Variants in SEMA5A observed in about 807,000 individuals in gnomAD.
The protein encoded by SEMA5A is semaphorin-5A.
In SEMA5A, 55 loss-of-function variants were observed where a neutral mutation model predicts 135.5. The observed-to-expected ratio is 0.41, with a 90% confidence interval of 0.33 to 0.51. SEMA5A has a LOEUF of 0.51. SEMA5A is among the 20% of genes least tolerant of loss of function. The pLI, the probability that SEMA5A is intolerant of heterozygous loss-of-function variation, is 0.37. For missense variants in SEMA5A, 1,290 were observed against 1,419.9 expected (o/e 0.91, Z 1.47); for synonymous variants, 580 against 546.5 (o/e 1.06, Z -0.85).
At chr5:9,528,067 T>C (rs1737233138) in intron 1 of SEMA5A, among the ~76,000 whole-genome samples, 1 of 152,200 alleles carries the variant, frequency 6.6e-6, no homozygotes, top group South Asian at 2.1e-4. Flanking sequence ...CCAAACATTG[T>C]CTTTATAGAA....
At chr5:9,082,390 C>T (rs1411296411) in intron 16 of SEMA5A, among the ~76,000 whole-genome samples, 1 of 152,160 alleles carries the variant, frequency 6.6e-6, no homozygotes, top group Non-Finnish European at 1.5e-5. Flanking sequence ...CAGTGACTAC[C>T]TAAGACAGAA....
chr5:9,133,663 T>A (rs1741564609), intron 13 of SEMA5A, among the ~76,000 whole-genome samples: 4 of 152,212 alleles, frequency 2.6e-5, no homozygotes, highest in Admixed American at 2.6e-4. Context: ...TCTTACTTGT[T>A]AAAAACTCAA....
chr5:9,481,297 T>G (rs1334472485), intron 1 of SEMA5A, among the ~76,000 whole-genome samples: 1 of 152,128 alleles, frequency 6.6e-6, no homozygotes, highest in Non-Finnish European at 1.5e-5. Context: ...AGAGCTTTCC[T>G]GTTTTAACTT....
intron 2 of SEMA5A, among the ~76,000 whole-genome samples, 200 bp downstream of exon 2, chr5:9,437,556 C>T (rs2126671693): frequency 6.6e-6 from 1 of 152,084 alleles, no homozygotes; most frequent in African/African-American, 2.4e-5. Context: ...AGAATTTCAC[C>T]ATGTTGGCCA....
At chr5:9,508,888 T>C (rs1038774880) in intron 1 of SEMA5A, among the ~76,000 whole-genome samples, 2 of 152,098 alleles carry the variant, frequency 1.3e-5, no homozygotes, top group Non-Finnish European at 2.9e-5. Flanking sequence ...CTTAAAAACA[T>C]AGGATGAAGA....
At chr5:9,299,589 CAAG>C (rs1751510418) in intron 5 of SEMA5A, among the ~76,000 whole-genome samples, 1 of 152,096 alleles carries the variant, frequency 6.6e-6, no homozygotes, top group South Asian at 2.1e-4. Context: ...ACTAGTGACC[CAAG>C]TCAACCTTGC....
chr5:9,214,026 C>G (rs1746483572), intron 8 of SEMA5A, among the ~76,000 whole-genome samples: 1 of 152,126 alleles, frequency 6.6e-6, no homozygotes, highest in African/African-American at 2.4e-5. Flanking sequence ...ACAGACCCAC[C>G]AGAGACTGGG....
chr5:9,487,837 G>A (rs756109828), intron 1 of SEMA5A, among the ~76,000 whole-genome samples: 2 of 151,940 alleles, frequency 1.3e-5, no homozygotes, highest in Admixed American at 6.6e-5. Flanking sequence ...ATATATGAAT[G>A]AGCAATTGTT....
intron 1 of SEMA5A, among the ~76,000 whole-genome samples, chr5:9,452,416 G>C (rs899614787): frequency 1.3e-5 from 2 of 152,164 alleles, no homozygotes; most frequent in African/African-American, 4.8e-5. Context: ...AAGAAGAACT[G>C]CTATCCAGTC....
intron 11 of SEMA5A, among the ~76,000 whole-genome samples, chr5:9,187,233 G>T (rs1194361785): frequency 6.6e-6 from 1 of 151,900 alleles, no homozygotes; most frequent in African/African-American, 2.4e-5. Flanking sequence ...CCTTAAAACT[G>T]AATATCATTC....
chr5:9,251,820 T>C (rs1748806641), intron 5 of SEMA5A, among the ~76,000 whole-genome samples: 1 of 152,190 alleles, frequency 6.6e-6, no homozygotes, highest in African/African-American at 2.4e-5. Context: ...CAACTCCTGA[T>C]GGGGAAGATG....
rs377539561 is a variant in SEMA5A at position 9,080,340 on chromosome 5, T to C, written c.2074-13694A>G. On this transcript the variant is annotated intron_variant, in intron 16 of 22. Transcript: ENST00000382496. ...ACATGTTCTCACTCATAAGTAGGAG[T>C]TGAACAATGAGAACACATGGACACA... 1.8e-3 allele frequency among the ~76,000 whole-genome samples: 278 copies of C among 151,566 alleles called. 1 individual carries two copies. Among genetic ancestry groups the C allele is most frequent in the African/African-American group, 6.4e-3 (263 of 41,312 alleles).
intron 4 of SEMA5A, among the ~76,000 whole-genome samples, chr5:9,330,594 G>A (rs1753089584): frequency 6.6e-6 from 1 of 152,152 alleles, no homozygotes; most frequent in Non-Finnish European, 1.5e-5. Context: ...TTGAACAAAT[G>A]TCCTAGCTAA....
At chr5:9,469,269 A>G (rs1759386385) in intron 1 of SEMA5A, among the ~76,000 whole-genome samples, 1 of 152,160 alleles carries the variant, frequency 6.6e-6, no homozygotes, top group Non-Finnish European at 1.5e-5. Flanking sequence ...GGCCTCCCAA[A>G]GTGCTGGGAT....
At chr5:9,353,582 CAT>C (rs1350576128) in intron 3 of SEMA5A, among the ~76,000 whole-genome samples, 1 of 152,100 alleles carries the variant, frequency 6.6e-6, no homozygotes, top group Non-Finnish European at 1.5e-5. Flanking sequence ...CACCAGATAT[CAT>C]ATATCTGGTT....
chr5:9,270,624 G>A (rs953572193), intron 5 of SEMA5A, among the ~76,000 whole-genome samples: 1 of 151,974 alleles, frequency 6.6e-6, no homozygotes, highest in Non-Finnish European at 1.5e-5. Context: ...CAGGTTGCCT[G>A]AGAACTGACT....
chr5:9,379,218 T>C (rs761918926), intron 3 of SEMA5A, among the ~76,000 whole-genome samples: 3 of 152,220 alleles, frequency 2.0e-5, no homozygotes, highest in Non-Finnish European at 2.9e-5. Context: ...GATAATATAA[T>C]TCCTTGAGGA....
intron 3 of SEMA5A, among the ~76,000 whole-genome samples, chr5:9,363,953 A>G (rs760047600): frequency 6.6e-6 from 1 of 152,358 alleles, no homozygotes; most frequent in South Asian, 2.1e-4. Context: ...CAGGATGTTC[A>G]TGGGAGAAGC....
intron 5 of SEMA5A, among the ~76,000 whole-genome samples, chr5:9,296,964 G>A (rs1168611756): frequency 1.3e-5 from 2 of 150,602 alleles, no homozygotes; most frequent in Non-Finnish European, 3.0e-5. Flanking sequence ...GGATTACTGA[G>A]TTACTATGGG....
Sources: allele counts gnomAD v4.1 joint callset (sites outside exome capture counted in the v4.1 genomes callset), GRCh38; gene constraint gnomAD v4.1.1; transcripts MANE v1.5; gene names NCBI Gene and HGNC (gene_info 2026-07-23, HGNC 2026-07-21).